TTLL5: variants seen among roughly 807,000 people sequenced by gnomAD.
TTLL5 encodes the protein tubulin polyglutamylase TTLL5.
Under a neutral mutation model 168.4 loss-of-function variants are expected in TTLL5, and 132 were observed. The observed-to-expected ratio is 0.78, with a 90% confidence interval of 0.68 to 0.91. The LOEUF is 0.91. TTLL5 is among the 40% of genes least tolerant of loss of function. TTLL5 has a pLI of 0.00. For synonymous variants in TTLL5, 546 were observed against 558.6 expected, an observed-to-expected ratio of 0.98 and a Z score of 0.32; for missense variants, 1,545 against 1,581.5, an observed-to-expected ratio of 0.98 and a Z score of 0.39.
intron 31 of TTLL5, among the ~76,000 whole-genome samples, chr14:75,928,856 A>G (rs1354515105): frequency 1.3e-5 from 2 of 152,144 alleles, no homozygotes; most frequent in South Asian, 4.1e-4. Flanking sequence ...CTGCTATTTC[A>G]TTTCCCTTGC....
In TTLL5 at chr14:75,911,234, T is replaced by C. The variant is rs544757124; in HGVS notation, c.3823+9010T>C. 1.4e-4 allele frequency among the ~76,000 whole-genome samples: 22 copies of C among 152,174 alleles called. No homozygotes were observed. The South Asian group carries it at 4.2e-3, about 29-fold the overall frequency. The stretch of plus-strand genomic sequence containing the variant: ...TTTTAGTAGAGACAGTGTTTCACCA[T>C]GTTGGCCCGGCTGGCCTCGAACTCC... On this transcript the variant is annotated intron_variant, in intron 31 of 31. Transcript: ENST00000298832.
At chr14:75,946,763 A>C (rs1466274402) in intron 31 of TTLL5, among the ~76,000 whole-genome samples, 3 of 152,228 alleles carry the variant, frequency 2.0e-5, no homozygotes, top group African/African-American at 2.4e-5. Context: ...AAAAACAACA[A>C]CACAGTGAAA....
chr14:75,683,460 A>G, intron 4 of TTLL5, 90 bp from the exon 5 acceptor site: 1 of 1,096,164 alleles, frequency 9.1e-7, no homozygotes, highest in Non-Finnish European at 1.4e-6. Flanking sequence ...TGGATGAAAA[A>G]ATCACTGTGG....
chr14:75,863,567 T>G, intron 28 of TTLL5, 100 bp from the exon 29 acceptor site: 1 of 1,166,110 alleles, frequency 8.6e-7, no homozygotes, highest in Non-Finnish European at 1.2e-6. Flanking sequence ...AAACTGTGCT[T>G]GGTTCCATAT....
chr14:75,735,188 C>T lies in TTLL5; in HGVS notation c.1187-7C>T. The T allele has an allele frequency of 1.2e-6, 2 of 1,614,046 alleles. No homozygotes were observed. The highest frequency in any genetic ancestry group is 1.7e-6 in the Non-Finnish European group (2 of 1,179,854). ...GCAGGTTTTAATGTTGCCCATTCCCCATTCAGGATTTGTGTGCCAAGATCC... is the reference window on the plus strand; with the variant it reads ...GCAGGTTTTAATGTTGCCCATTCCCTATTCAGGATTTGTGTGCCAAGATCC... On this transcript the variant is annotated splice_region_variant and splice_polypyrimidine_tract_variant and intron_variant, in intron 14 of 31. Transcript: ENST00000298832.
intron 28 of TTLL5, among the ~76,000 whole-genome samples, chr14:75,824,558 C>T (rs1595103842): frequency 1.3e-5 from 2 of 151,760 alleles, no homozygotes; most frequent in East Asian, 3.9e-4. Flanking sequence ...AAGGTGGTTG[C>T]CAAGGGCTGG....
chr14:75,934,479 A>C (rs1250595762), intron 31 of TTLL5, among the ~76,000 whole-genome samples: 1 of 152,214 alleles, frequency 6.6e-6, no homozygotes, highest in Non-Finnish European at 1.5e-5. Context: ...ATGATCTGTA[A>C]GATAAAAACT....
rs1566598307 is a variant in TTLL5 at position 75,773,971 on chromosome 14, G to GAGAGAA, written c.2137-1508_2137-1507insAAGAGA. 8.4e-4 allele frequency among the ~76,000 whole-genome samples: 106 copies of GAGAGAA among 126,644 alleles called. 1 individual carries two copies. Among genetic ancestry groups the GAGAGAA allele is most frequent in the African/African-American group, 3.6e-3 (103 of 28,998 alleles). 83.1% of individuals were successfully genotyped at this position (126,644 alleles called of 152,430 possible). A position where few individuals can be genotyped will look rare whatever the true frequency, so the allele number is the denominator to read the frequency against. On this transcript the variant is annotated intron_variant, in intron 21 of 31. Coordinates refer to ENST00000298832, the MANE Select transcript of TTLL5 (RefSeq NM_015072.5). ...AGAGAGAGAGAAAGAGAGAGAGAGA[G>GAGAGAA]AGAGAGAGAGAGAGAGAGAGAGAGA...
At chr14:75,846,792 G>GAAAA (rs5809732) in intron 28 of TTLL5, among the ~76,000 whole-genome samples, 4 of 99,220 alleles carry the variant, frequency 4.0e-5, no homozygotes, top group East Asian at 3.1e-4. Context: ...CTCCATCTCA[G>GAAAA]AAAAAAAAAA....
intron 28 of TTLL5, among the ~76,000 whole-genome samples, chr14:75,841,345 C>G (rs1896231609): frequency 6.6e-6 from 1 of 152,238 alleles, no homozygotes; most frequent in Non-Finnish European, 1.5e-5. Flanking sequence ...CACACCCACA[C>G]AAACACACAT....
chr14:75,793,132 T>C (rs758234160), intron 27 of TTLL5, 32 bp downstream of exon 27: 4 of 1,524,296 alleles, frequency 2.6e-6, no homozygotes, highest in Non-Finnish European at 3.5e-6. Context: ...CAAGAGCTCT[T>C]TGGACCTGAG....
intron 26 of TTLL5, among the ~76,000 whole-genome samples, chr14:75,788,253 G>A (rs1595042523): frequency 1.3e-5 from 2 of 152,058 alleles, no homozygotes; most frequent in East Asian, 3.9e-4. Flanking sequence ...TCTAAATAAA[G>A]GATAAAGAAA....
Position 75,884,945 on chromosome 14 carries a change from C to T in TTLL5, c.3740+2043C>T, listed in dbSNP as rs528743489. ...CAGCACTTTGGGAGGCAGAGGTGGG[C>T]GGATCACGAGGTCAGGAGATCGAGA... is the stretch of plus-strand genomic sequence containing the variant. On this transcript the variant is annotated intron_variant, in intron 30 of 31. Transcript: ENST00000298832. Among the ~76,000 whole-genome samples, 62 of 150,434 alleles carry T rather than the reference C, an allele frequency of 4.1e-4. 1 individual carries two copies. Among genetic ancestry groups the T allele is most frequent in the South Asian group, 1.5e-3 (7 of 4,758 alleles).
At chr14:75,925,998 C>T (rs1366178712) in intron 31 of TTLL5, among the ~76,000 whole-genome samples, 6 of 151,422 alleles carry the variant, frequency 4.0e-5, no homozygotes, top group African/African-American at 9.8e-5. Flanking sequence ...GAGATGGCGG[C>T]AGTATAGTCC....
intron 27 of TTLL5, among the ~76,000 whole-genome samples, chr14:75,815,135 G>C (rs1021475812): frequency 6.6e-6 from 1 of 152,184 alleles, no homozygotes; most frequent in African/African-American, 2.4e-5. Context: ...GCTGGGTGAG[G>C]GATGTAGGGG....
At chr14:75,714,225 A>C (rs1236671817) in intron 9 of TTLL5, among the ~76,000 whole-genome samples, 1 of 152,188 alleles carries the variant, frequency 6.6e-6, no homozygotes, top group African/African-American at 2.4e-5. Context: ...ATTGCATTAT[A>C]TGTGATGGCA....
chr14:75,941,036 T>C (rs529034756), intron 31 of TTLL5, among the ~76,000 whole-genome samples: 1 of 152,326 alleles, frequency 6.6e-6, no homozygotes, highest in Admixed American at 6.5e-5. Context: ...TGAGCTCTTG[T>C]TGGTTTTAGC....
In TTLL5 at chr14:75,874,933, C is replaced by CCTTTTTTTTTTTTTTTTTTTTTTTTT. The variant is rs778792332; in HGVS notation, c.3523-7752_3523-7751insCTTTTTTTTTTTTTTTTTTTTTTTTT. Among the ~76,000 whole-genome samples, 20 of 97,538 alleles carry CCTTTTTTTTTTTTTTTTTTTTTTTTT rather than the reference C, an allele frequency of 2.1e-4. 3 individuals are homozygous for CCTTTTTTTTTTTTTTTTTTTTTTTTT. Among genetic ancestry groups the CCTTTTTTTTTTTTTTTTTTTTTTTTT allele is most frequent in the African/African-American group, 8.3e-4 (17 of 20,374 alleles). 64.0% of individuals were successfully genotyped at this position (97,538 alleles called of 152,430 possible). A position where few individuals can be genotyped will look rare whatever the true frequency, so the allele number is the denominator to read the frequency against. ...AGAGAAAAAAAAAGACACTGGGGGC[C>CCTTTTTTTTTTTTTTTTTTTTTTTTT]TTTTTTTTTTTTTTTTTTGAGACGG... On this transcript the variant is annotated intron_variant, in intron 29 of 31. Transcript: ENST00000298832.
At chr14:75,905,769 G>C (rs190318414) in intron 31 of TTLL5, among the ~76,000 whole-genome samples, 2 of 152,316 alleles carry the variant, frequency 1.3e-5, no homozygotes, top group Non-Finnish European at 2.9e-5. Flanking sequence ...ATGCTGATTT[G>C]ATAATGTAAA....
Sources: gnomAD v4.1 joint callset for allele counts (sites outside exome capture counted in the v4.1 genomes callset) on GRCh38, gnomAD v4.1.1 for gene constraint, MANE v1.5 for transcripts, NCBI Gene and HGNC (gene_info 2026-07-23, HGNC 2026-07-21) for gene names.